SCN1A: variants seen among roughly 807,000 people sequenced by gnomAD.
SCN1A encodes sodium channel protein type 1 subunit alpha.
In SCN1A, 13 loss-of-function variants were observed where a neutral mutation model predicts 193.7. The observed-to-expected ratio is 0.07, with a 90% CI of 0.04 to 0.11. The LOEUF (loss-of-function observed/expected upper bound fraction) is 0.11. SCN1A is among the 10% of genes least tolerant of loss of function. The pLI, the probability that SCN1A is intolerant of heterozygous loss-of-function variation, is 1.00. For synonymous variants in SCN1A, 781 were observed against 843.6 expected (o/e 0.93, Z 1.29); for missense variants, 1,432 against 2,451.1 (o/e 0.58, Z 8.78).
At chr2:166,089,467 A>G (rs905189471) in intron 2 of SCN1A, among the ~76,000 whole-genome samples, 1 of 152,102 alleles carries the variant, frequency 6.6e-6, no homozygotes, top group Non-Finnish European at 1.5e-5. Context: ...TGAGTCGTTT[A>G]TGCATCAATG....
chr2:166,097,566 G>A, intron 2 of SCN1A, among the ~76,000 whole-genome samples: 1 of 151,774 alleles, frequency 6.6e-6, no homozygotes, highest in Non-Finnish European at 1.5e-5. Context: ...AATTATATTT[G>A]GTATGTTCAA....
chr2:166,103,666 A>C (rs1403471144), intron 2 of SCN1A, among the ~76,000 whole-genome samples: 1 of 152,058 alleles, frequency 6.6e-6, no homozygotes, highest in East Asian at 1.9e-4. Flanking sequence ...CAGGAAGATA[A>C]AGGTAAAGGA....
intron 1 of SCN1A, among the ~76,000 whole-genome samples, chr2:166,146,617 G>C (rs1430504020): frequency 6.6e-6 from 1 of 152,132 alleles, no homozygotes; most frequent in African/African-American, 2.4e-5. Context: ...AAGAATATCT[G>C]ACCCAAATGT....
Position 166,145,276 on chromosome 2 carries a change from A to T in SCN1A, c.-50+3771T>A, listed in dbSNP as rs570035991. Among the ~76,000 whole-genome samples, 30 of 149,226 alleles carry T rather than the reference A, an allele frequency of 2.0e-4. 1 individual carries two copies. In the South Asian group the frequency reaches 5.3e-3, roughly 26 times the overall value. On this transcript the variant is annotated intron_variant, in intron 1 of 26. Transcript: ENST00000635750. The stretch of plus-strand genomic sequence containing the variant: ...CTGGTCTCGATCTCCTGACCTCGTG[A>T]TCTGCCCGCTTCGGCCTCCCCAAGT...
At chr2:166,077,369 A>G (rs1475460673) in intron 3 of SCN1A, among the ~76,000 whole-genome samples, 2 of 151,984 alleles carry the variant, frequency 1.3e-5, no homozygotes, top group Non-Finnish European at 2.9e-5. Context: ...CAACAATAAG[A>G]AAATGAACAA....
Position 165,991,324 on chromosome 2 carries a change from G to T in SCN1A, c.5951C>A (p.Pro1984His), listed in dbSNP as rs146733308. The stretch of plus-strand genomic sequence containing the variant: ...TGGCTTTGTCACCCGGTCATAGGAA[G>T]GTGGACAAGCTGCAGTGGACATGGT... ...DLTMSTAACP[P>H]SYDRVTKPIV... The change falls in exon 29 of 29, where the codon CCT (proline) becomes CAT (histidine). Residue 1984 changes from proline to histidine, a missense_variant. By Grantham distance (77) the Pro-to-His change is moderately conservative (BLOSUM62 -2). This residue lies in a region of SCN1A where 148 missense variants were observed against 160.3 expected (regional missense o/e 0.92). Coordinates refer to ENST00000674923, the MANE Select transcript of SCN1A (RefSeq NM_001165963.4). 187 of 1,613,458 alleles carry T rather than the reference G, an allele frequency of 1.2e-4. No individual in the cohort carries two copies. The African/African-American group carries it at 2.3e-3, about 20-fold the overall frequency.
At chr2:166,145,587 C>T (rs1032179031) in intron 1 of SCN1A, among the ~76,000 whole-genome samples, 3 of 151,850 alleles carry the variant, frequency 2.0e-5, no homozygotes, top group Admixed American at 6.6e-5. Context: ...CTACTTCTAT[C>T]GCACATATCA....
chr2:166,075,246 G>T (rs1237569984), intron 3 of SCN1A: 1 of 151,874 alleles, frequency 6.6e-6, no homozygotes, highest in East Asian at 1.9e-4. Flanking sequence ...ATATCTAAAA[G>T]AAAATGCAGT....
In SCN1A at chr2:166,041,354, A is replaced by T. The variant is rs6432860; in HGVS notation, c.2292T>A (p.Val764=). ...WLKVKHVVNL[V]VMDPFVDLAI... Reference sequence around the variant, plus strand: ...CCAGGTCAACAAATGGGTCCATCACAACCAGGTTGACAACATGTTTCACTT... The same window carrying T: ...CCAGGTCAACAAATGGGTCCATCACTACCAGGTTGACAACATGTTTCACTT... Residue 764 remains valine, a synonymous_variant, in exon 16 of 29, where the codon GTT becomes GTA. Transcript: ENST00000674923. 3.1e-6 allele frequency: 5 copies of T among 1,613,462 alleles called. No individual in the cohort carries two copies. Among genetic ancestry groups the T allele is most frequent in the Middle Eastern group, 1.7e-4 (1 of 6,046 alleles).
chr2:166,034,838 A>T (rs1696121889), intron 19 of SCN1A, among the ~76,000 whole-genome samples: 1 of 152,140 alleles, frequency 6.6e-6, no homozygotes, highest in African/African-American at 2.4e-5. Flanking sequence ...CTCTCTTTCC[A>T]TGTACATGCA....
chr2:166,041,438 G>C lies in SCN1A; in HGVS notation c.2208C>G (p.Pro736=). 6.2e-7 allele frequency: 1 copy of C among 1,611,962 alleles called. No individual in the cohort carries two copies. The highest frequency in any genetic ancestry group is 8.5e-7 in the Non-Finnish European group (1 of 1,179,128). ...ELEESRQKCP[P]CWYKFSNIFL... is the part of the protein sequence containing the mutation. ...ATATGTTGGAAAATTTATACCAACA[G>C]GGTGGGCATTTCTGCCTGGATTCTT... The change falls in exon 16 of 29, where the codon CCC becomes CCG. Residue 736 remains proline, a synonymous_variant. Coordinates refer to ENST00000674923, the MANE Select transcript of SCN1A (RefSeq NM_001165963.4).
At chr2:166,038,217 A>G (rs1461160544) in intron 17 of SCN1A, 85 bp from the exon 18 acceptor site, 12 of 1,075,330 alleles carry the variant, frequency 1.1e-5, no homozygotes, top group Non-Finnish European at 1.3e-5. Flanking sequence ...GGTCATTAGA[A>G]TTCAATATCT....
chr2:166,056,710 A>T (rs1468411835), intron 5 of SCN1A, among the ~76,000 whole-genome samples: 1 of 152,092 alleles, frequency 6.6e-6, no homozygotes, highest in Non-Finnish European at 1.5e-5. Context: ...TGTATAGATT[A>T]AATGAGGTAA....
At chr2:166,102,507 A>C (rs1418694205) in intron 2 of SCN1A, among the ~76,000 whole-genome samples, 14 of 98,860 alleles carry the variant, frequency 1.4e-4, no homozygotes, top group Non-Finnish European at 3.5e-4. Flanking sequence ...TCTCAAAAAA[A>C]AAAAAAAGAA....
At chr2:166,136,895 T>A (rs1018646295) in intron 1 of SCN1A, among the ~76,000 whole-genome samples, 10 of 152,164 alleles carry the variant, frequency 6.6e-5, no homozygotes, top group Admixed American at 3.3e-4. Flanking sequence ...GGGGAGACTC[T>A]CCAATTTTCT....
chr2:166,032,625 G>A (rs1051464325), intron 19 of SCN1A, among the ~76,000 whole-genome samples: 2 of 152,048 alleles, frequency 1.3e-5, no homozygotes, highest in Non-Finnish European at 2.9e-5. Flanking sequence ...GGTAATCTGT[G>A]AAAGAATATA....
At chr2:166,058,172 G>A (rs1352071057) in intron 5 of SCN1A, among the ~76,000 whole-genome samples, 4 of 151,934 alleles carry the variant, frequency 2.6e-5, no homozygotes, top group Non-Finnish European at 5.9e-5. Context: ...TCATAACTAT[G>A]GATAAACTTG....
chr2:166,104,004 G>A (rs1025921882), intron 2 of SCN1A, among the ~76,000 whole-genome samples: 1 of 152,096 alleles, frequency 6.6e-6, no homozygotes, highest in Admixed American at 6.6e-5. Flanking sequence ...ATGTATCTCT[G>A]TTCATGGCAT....
chr2:166,032,274 T>C (rs572866215), intron 19 of SCN1A, among the ~76,000 whole-genome samples: 2 of 64,592 alleles, frequency 3.1e-5, no homozygotes, highest in East Asian at 3.0e-3. Flanking sequence ...AGCTTATTAG[T>C]ATACTCCTTT....
Sources: gnomAD v4.1 joint callset for allele counts (sites outside exome capture counted in the v4.1 genomes callset) on GRCh38, gnomAD v4.1.1 for gene constraint, gnomAD v4.1.1 regional missense constraint, MANE v1.5 for transcripts, NCBI Gene and HGNC (gene_info 2026-07-23, HGNC 2026-07-21) for gene names.